MID1: variants seen among roughly 807,000 people sequenced by gnomAD.
MID1 encodes the protein E3 ubiquitin-protein ligase Midline-1.
A neutral mutation model predicts 40.4 loss-of-function variants in MID1; 7 were observed. The ratio of observed to expected loss-of-function variants is 0.17; its 90% CI spans 0.10 to 0.33. MID1 has a LOEUF of 0.33. MID1 is among the 10% of genes least tolerant of loss of function. The pLI, the probability that MID1 is intolerant of heterozygous loss-of-function variation, is 1.00. For missense variants in MID1, 367 were observed against 558.5 expected (o/e 0.66, Z 3.46); for synonymous variants, 229 against 221.2 (o/e 1.04, Z -0.31).
chrX:10,704,585 A>C (rs1186446319), intron 1 of MID1, among the ~76,000 whole-genome samples: 2 of 108,557 alleles, frequency 1.8e-5, no homozygotes, highest in African/African-American at 6.7e-5. Context: ...AATAACAGCA[A>C]AAGTTACAAC....
At chrX:10,572,964 A>G (rs957630208) in intron 1 of MID1, among the ~76,000 whole-genome samples, 6 of 112,192 alleles carry the variant, frequency 5.3e-5, no homozygotes, top group African/African-American at 1.9e-4. Flanking sequence ...CTGAGTATCC[A>G]TGGGTGAGTG....
rs188683444 is a variant in MID1, at chrX:10,753,319, C to T, written c.-187+80235G>A. On this transcript the variant is annotated intron_variant, in intron 1 of 10. Transcript: ENST00000380785. ...AGCCATTGTGGCCAACCATATTATT[C>T]CATCTGCCTTAAATGCCTGCTGTGT... 6.2e-3 allele frequency among the ~76,000 whole-genome samples: 684 copies of T among 110,920 alleles called. 4 individuals carry two copies. The highest frequency in any genetic ancestry group is 0.021 in the African/African-American group (644 of 30,537).
intron 6 of MID1, among the ~76,000 whole-genome samples, chrX:10,474,186 G>T (rs181605854): frequency 1.7e-3 from 186 of 111,797 alleles, no homozygotes; most frequent in African/African-American, 5.6e-3. Context: ...GGATTATAAT[G>T]CTTTACCTCA....
chrX:10,548,100 CTGT>C (rs776177823), intron 2 of MID1, among the ~76,000 whole-genome samples: 25 of 111,709 alleles, frequency 2.2e-4, no homozygotes, highest in Non-Finnish European at 4.3e-4. Flanking sequence ...TGAAAATGAA[CTGT>C]TGTTATTATG....
intron 1 of MID1, among the ~76,000 whole-genome samples, chrX:10,630,067 A>G (rs1262189626): frequency 8.9e-6 from 1 of 112,072 alleles, no homozygotes; most frequent in Non-Finnish European, 1.9e-5. Context: ...AACACCCTGA[A>G]CATGCCTGAT....
In MID1 at chrX:10,729,338, C is replaced by T. The variant is rs1159332062; in HGVS notation, c.-187+104216G>A. Among the ~76,000 whole-genome samples the T allele has an allele frequency of 3.6e-5, 4 of 111,677 alleles. No individual in the cohort carries two copies. The East Asian group carries it at 8.3e-4, about 23-fold the overall frequency. ...AACCGTGTCTGCCACGGTAAATCCA[C>T]GGTGCATTCTTAAACCTTGGCTACC... On this transcript the variant is annotated intron_variant, in intron 1 of 10. Transcript: ENST00000380785.
chrX:10,492,564 A>G (rs1246811385), intron 4 of MID1, among the ~76,000 whole-genome samples: 2 of 112,011 alleles, frequency 1.8e-5, no homozygotes, highest in African/African-American at 6.5e-5. Context: ...ATAATTTTTG[A>G]CTGAAGCATG....
chrX:10,547,673 G>T (rs1933750963), intron 2 of MID1, among the ~76,000 whole-genome samples: 1 of 104,535 alleles, frequency 9.6e-6, no homozygotes, highest in South Asian at 4.1e-4. Context: ...AAAAAGAAAA[G>T]AAAAAAGAAA....
intron 1 of MID1, among the ~76,000 whole-genome samples, chrX:10,639,252 G>A (rs1936159059): frequency 9.0e-6 from 1 of 111,514 alleles, no homozygotes; most frequent in Non-Finnish European, 1.9e-5. Flanking sequence ...TCACAAAGAA[G>A]CTAAAAACCT....
chrX:10,598,695 G>C (rs1366498860), intron 1 of MID1, among the ~76,000 whole-genome samples: 1 of 112,031 alleles, frequency 8.9e-6, no homozygotes, highest in African/African-American at 3.2e-5. Context: ...ACAGCTTATA[G>C]CTATCAAGGA....
At chrX:10,648,587 T>C (rs1444255194) in intron 1 of MID1, among the ~76,000 whole-genome samples, 3 of 112,131 alleles carry the variant, frequency 2.7e-5, no homozygotes, top group Non-Finnish European at 3.8e-5. Flanking sequence ...AAGATATATC[T>C]ACCTCATTGA....
chrX:10,833,588 G>A (rs779199273), exon 1 of MID1: 1 of 112,244 alleles, frequency 8.9e-6, no homozygotes, highest in East Asian at 2.8e-4. Context: ...GGGGGTTTTT[G>A]TTCCTCAGTT....
chrX:10,779,195 A>T (rs1045245601), intron 1 of MID1, among the ~76,000 whole-genome samples: 1 of 112,419 alleles, frequency 8.9e-6, no homozygotes, highest in Admixed American at 9.4e-5. Flanking sequence ...AGGAATTTTT[A>T]ATTTTTTTTA....
chrX:10,707,523 C>T (rs1289735265), intron 1 of MID1, among the ~76,000 whole-genome samples: 1 of 111,816 alleles, frequency 8.9e-6, no homozygotes, highest in Non-Finnish European at 1.9e-5. Context: ...AAAAGCCATA[C>T]CTTATCTAAT....
At chrX:10,605,380 T>C (rs927589087) in intron 1 of MID1, among the ~76,000 whole-genome samples, 3 of 111,984 alleles carry the variant, frequency 2.7e-5, no homozygotes, top group African/African-American at 6.5e-5. Context: ...GGAGAATGCA[T>C]GCAGTTATAA....
At chrX:10,792,242 G>A (rs1429966456) in intron 1 of MID1, among the ~76,000 whole-genome samples, 1 of 112,213 alleles carries the variant, frequency 8.9e-6, no homozygotes, top group East Asian at 2.8e-4. Flanking sequence ...TAGGTGGCAA[G>A]TCACATTTGG....
chrX:10,785,567 T>C (rs1016831746), intron 1 of MID1, among the ~76,000 whole-genome samples: 11 of 111,174 alleles, frequency 9.9e-5, no homozygotes, highest in Admixed American at 6.7e-4. Context: ...CTTCAAACTA[T>C]ACTACAAGGC....
chrX:10,717,751 T>A (rs1480405975), intron 1 of MID1, among the ~76,000 whole-genome samples: 2 of 110,934 alleles, frequency 1.8e-5, no homozygotes, highest in Non-Finnish European at 3.8e-5. Flanking sequence ...ACATTTTTTT[T>A]GGCACCACAC....
intron 1 of MID1, among the ~76,000 whole-genome samples, chrX:10,716,267 A>G (rs1190682625): frequency 8.9e-6 from 1 of 111,800 alleles, no homozygotes; most frequent in Non-Finnish European, 1.9e-5. Flanking sequence ...GGAAGTTCGA[A>G]CCCATGGCAA....
Sources: allele counts gnomAD v4.1 joint callset (sites outside exome capture counted in the v4.1 genomes callset), GRCh38; gene constraint gnomAD v4.1.1; transcripts MANE v1.5; gene names NCBI Gene and HGNC (gene_info 2026-07-23, HGNC 2026-07-21).